CEP85L: variants seen among roughly 807,000 people sequenced by gnomAD.
The protein encoded by CEP85L is centrosomal protein of 85 kDa-like.
A neutral mutation model predicts 100.3 loss-of-function variants in CEP85L; 60 were observed. That is an observed-to-expected ratio of 0.60 (90% CI 0.49 to 0.74). The LOEUF (loss-of-function observed/expected upper bound fraction) is 0.74, where lower values mean the gene tolerates loss of function less well. CEP85L is among the 30% of genes least tolerant of loss of function. The probability of loss-of-function intolerance (pLI) is 0.00; values close to 1 mark genes in which losing one functional copy is unlikely to be tolerated. For synonymous variants in CEP85L, 319 were observed against 322.7 expected (o/e 0.99, Z 0.12); for missense variants, 973 against 936.2 (o/e 1.04, Z -0.51).
intron 1 of CEP85L, among the ~76,000 whole-genome samples, chr6:118,636,154 A>T (rs1464592689): frequency 1.3e-5 from 2 of 152,242 alleles, no homozygotes; most frequent in African/African-American, 4.8e-5. Flanking sequence ...GACAAGTCCA[A>T]TGAAACCTGG....
intron 2 of CEP85L, among the ~76,000 whole-genome samples, chr6:118,586,644 C>T (rs1275683010): frequency 6.6e-6 from 1 of 152,138 alleles, no homozygotes; most frequent in Non-Finnish European, 1.5e-5. Context: ...TCCTGAATAG[C>T]AATGTGAAGA....
chr6:118,495,665 C>T (rs987373723), intron 5 of CEP85L, among the ~76,000 whole-genome samples: 1 of 152,194 alleles, frequency 6.6e-6, no homozygotes, highest in Admixed American at 6.5e-5. Flanking sequence ...TAATACAAAG[C>T]CCTTTACTGT....
In CEP85L at chr6:118,663,744, G is replaced by A. The variant is rs558720315; in HGVS notation, c.-27-10936C>T. 2.0e-5 allele frequency among the ~76,000 whole-genome samples: 3 copies of A among 152,264 alleles called. No individual in the cohort carries two copies. In the East Asian group the frequency reaches 5.8e-4, roughly 29 times the overall value. On this transcript the variant is annotated intron_variant, in intron 1 of 13. Transcript: ENST00000368488. ...CCCAAAGATACCAAAATTTGAGGAT[G>A]CTCAAGTCTCTTATATAGAAGGGCA...
At chr6:118,569,584 A>G (rs761032694) in intron 2 of CEP85L, among the ~76,000 whole-genome samples, 1 of 151,914 alleles carries the variant, frequency 6.6e-6, no homozygotes, top group Non-Finnish European at 1.5e-5. Flanking sequence ...GTTATTTAAT[A>G]GTTAGTTACC....
At chr6:118,465,820 G>A (rs1284912558) in intron 12 of CEP85L, among the ~76,000 whole-genome samples, 1 of 151,878 alleles carries the variant, frequency 6.6e-6, no homozygotes, top group Non-Finnish European at 1.5e-5. Context: ...ATGTTTAATG[G>A]GTAACAATAT....
intron 1 of CEP85L, among the ~76,000 whole-genome samples, chr6:118,672,816 G>T (rs1179298310): frequency 6.6e-6 from 1 of 151,674 alleles, no homozygotes; most frequent in Non-Finnish European, 1.5e-5. Flanking sequence ...GGAAGGAGAA[G>T]GAGGAGGAAG....
intron 3 of CEP85L, among the ~76,000 whole-genome samples, chr6:118,562,390 G>A (rs529509760): frequency 9.2e-5 from 14 of 151,850 alleles, no homozygotes; most frequent in Admixed American, 7.2e-4. Flanking sequence ...AAGAGACAGG[G>A]TGTTACTCTG....
chr6:118,505,567 C>G (rs996761615), intron 5 of CEP85L, among the ~76,000 whole-genome samples: 2 of 151,806 alleles, frequency 1.3e-5, no homozygotes, highest in Non-Finnish European at 2.9e-5. Context: ...AATGAACTAT[C>G]AAGCCATGAA....
At chr6:118,579,365 G>GAAA (rs561403870) in intron 2 of CEP85L, among the ~76,000 whole-genome samples, 8 of 130,992 alleles carry the variant, frequency 6.1e-5, no homozygotes, top group Non-Finnish European at 9.9e-5. Context: ...AAGCTGGTCA[G>GAAA]AAAAAAAAAA....
intron 12 of CEP85L, 51 bp downstream of exon 12, chr6:118,469,021 A>C (rs1342173292): frequency 8.0e-7 from 1 of 1,251,684 alleles, no homozygotes; most frequent in African/African-American, 1.5e-5. Context: ...CTGATTCATG[A>C]AGATAGGTTT....
intron 3 of CEP85L, chr6:118,537,555 A>AAATTGAGTAAGG (rs1777664694): frequency 1.0e-6 from 1 of 985,162 alleles, no homozygotes; most frequent in African/African-American, 1.7e-5. Context: ...TCCACTCTCA[A>AAATTGAGTAAGG]AATTGAGTAA....
At chr6:118,478,624 T>A (rs571949257) in intron 10 of CEP85L, among the ~76,000 whole-genome samples, 1 of 152,298 alleles carries the variant, frequency 6.6e-6, no homozygotes, top group South Asian at 2.1e-4. Context: ...TATTTGGAAA[T>A]AAATGCATCT....
chr6:118,609,421 A>G (rs1366652191), intron 2 of CEP85L, among the ~76,000 whole-genome samples: 1 of 152,242 alleles, frequency 6.6e-6, no homozygotes, highest in Non-Finnish European at 1.5e-5. Flanking sequence ...ACCTTTATAA[A>G]TCAGAAAAAA....
intron 1 of CEP85L, among the ~76,000 whole-genome samples, chr6:118,694,882 C>T (rs1325909774): frequency 2.6e-5 from 4 of 152,160 alleles, no homozygotes; most frequent in African/African-American, 7.2e-5. Flanking sequence ...GTCCACATCT[C>T]GGATTGTCAG....
intron 3 of CEP85L, among the ~76,000 whole-genome samples, chr6:118,535,333 A>C (rs1777528093): frequency 6.6e-6 from 1 of 152,198 alleles, no homozygotes; most frequent in Admixed American, 6.5e-5. Flanking sequence ...TGCAAAAGGC[A>C]AAACAATAAG....
At chr6:118,659,304 A>C (rs901914660) in intron 1 of CEP85L, among the ~76,000 whole-genome samples, 3 of 152,212 alleles carry the variant, frequency 2.0e-5, no homozygotes, top group African/African-American at 7.2e-5. Context: ...AGAAATTATG[A>C]AAAGATATAT....
intron 3 of CEP85L, 72 bp downstream of exon 3, chr6:118,565,457 G>A: frequency 2.2e-6 from 3 of 1,370,750 alleles, no homozygotes; most frequent in Non-Finnish European, 2.0e-6. Context: ...CTTGTTATAT[G>A]CTTACTGTAA....
Position 118,461,799 on chromosome 6 carries a change from A to C in CEP85L, c.*3606T>G, listed in dbSNP as rs554243056. ...TGGAAACATGGCAGTTTCAAATGATATAGTCTGAGTGAGCATGGTTATGAA... is the reference window on the plus strand; with the variant it reads ...TGGAAACATGGCAGTTTCAAATGATCTAGTCTGAGTGAGCATGGTTATGAA... On this transcript the variant is annotated 3_prime_UTR_variant, in exon 13 of 13. Coordinates refer to ENST00000368491, the MANE Select transcript of CEP85L (RefSeq NM_001042475.3). The C allele has an allele frequency of 2.0e-5, 3 of 152,210 alleles. No homozygotes were observed. In the South Asian group the frequency reaches 6.2e-4, roughly 32 times the overall value. The allele number at this position is 152,210 out of a possible 1,614,324, so 9.4% of individuals were successfully genotyped here.
At chr6:118,534,234 T>C (rs1252034872) in intron 3 of CEP85L, among the ~76,000 whole-genome samples, 3 of 152,188 alleles carry the variant, frequency 2.0e-5, no homozygotes, top group Non-Finnish European at 4.4e-5. Context: ...ATTATATTTC[T>C]ATATATTAAC....
Sources: allele counts gnomAD v4.1 joint callset (sites outside exome capture counted in the v4.1 genomes callset), GRCh38; gene constraint gnomAD v4.1.1; transcripts MANE v1.5; gene names NCBI Gene and HGNC (gene_info 2026-07-23, HGNC 2026-07-21).